CDH18: variants seen among roughly 807,000 people sequenced by gnomAD.
CDH18 encodes the protein cadherin 18.
Under a neutral mutation model 67.9 loss-of-function variants are expected in CDH18, and 31 were observed. That is an observed-to-expected ratio of 0.46 (90% CI 0.34 to 0.62). CDH18 has a LOEUF of 0.62. Among genes scored for constraint, CDH18 ranks in the 20% least tolerant of loss-of-function variants. The pLI, the probability that CDH18 is intolerant of heterozygous loss-of-function variation, is 0.01. For missense variants in CDH18, 890 were observed against 975.5 expected, an observed-to-expected ratio of 0.91 and a Z score of 1.17; for synonymous variants, 362 against 347.2, an observed-to-expected ratio of 1.04 and a Z score of -0.48.
At chr5:20,243,511 G>GAACA (rs1487245852) in intron 2 of CDH18, among the ~76,000 whole-genome samples, 1 of 151,902 alleles carries the variant, frequency 6.6e-6, no homozygotes, top group Non-Finnish European at 1.5e-5. Flanking sequence ...TTCACATGAT[G>GAACA]AACAGTATGA....
intron 2 of CDH18, among the ~76,000 whole-genome samples, chr5:19,915,656 A>G (rs1263107438): frequency 1.3e-5 from 2 of 152,154 alleles, no homozygotes; most frequent in African/African-American, 4.8e-5. Context: ...CATTTACAGT[A>G]TTATACTGAA....
intron 5 of CDH18, among the ~76,000 whole-genome samples, chr5:19,682,730 A>C (rs550489633): frequency 6.6e-6 from 1 of 152,204 alleles, no homozygotes; most frequent in African/African-American, 2.4e-5. Flanking sequence ...CTCTGTTAAA[A>C]TAAATGATGG....
chr5:19,772,362 A>T (rs1317611617), intron 3 of CDH18, among the ~76,000 whole-genome samples: 1 of 152,146 alleles, frequency 6.6e-6, no homozygotes, highest in African/African-American at 2.4e-5. Context: ...ATAAGAGAAA[A>T]GGGGAGGCAG....
chr5:19,636,060 C>G (rs1310173229), intron 5 of CDH18, among the ~76,000 whole-genome samples: 1 of 152,012 alleles, frequency 6.6e-6, no homozygotes, highest in East Asian at 1.9e-4. Flanking sequence ...TTGGCTCAAT[C>G]AATGATTTTC....
At chr5:20,276,666 C>A (rs1349951685) in intron 1 of CDH18, among the ~76,000 whole-genome samples, 2 of 152,168 alleles carry the variant, frequency 1.3e-5, no homozygotes, top group Non-Finnish European at 2.9e-5. Flanking sequence ...TGTCCTGCAG[C>A]TTAGGTATCA....
chr5:20,382,678 C>G (rs746502178), intron 1 of CDH18, among the ~76,000 whole-genome samples: 6 of 152,092 alleles, frequency 3.9e-5, no homozygotes, highest in Non-Finnish European at 5.9e-5. Flanking sequence ...CACCTAGTGA[C>G]AGAAGCAATA....
At chr5:20,305,053 G>A in intron 1 of CDH18, 7 of 1,603,946 alleles carry the variant, frequency 4.4e-6, no homozygotes, top group Non-Finnish European at 6.0e-6. Context: ...GTCCCCATTA[G>A]TTTTGGGATT....
chr5:19,624,251 C>T (rs969354827), intron 5 of CDH18, among the ~76,000 whole-genome samples: 4 of 151,960 alleles, frequency 2.6e-5, no homozygotes, highest in African/African-American at 7.2e-5. Flanking sequence ...AGGTGATCTG[C>T]CTGCCTCAGC....
intron 1 of CDH18, among the ~76,000 whole-genome samples, chr5:20,508,222 G>C (rs1754767352): frequency 1.3e-5 from 2 of 150,646 alleles, no homozygotes; most frequent in African/African-American, 4.9e-5. Context: ...TGTCACTTCA[G>C]AGTTCAAGGC....
At chr5:20,093,356 C>CT (rs35736724) in intron 2 of CDH18, among the ~76,000 whole-genome samples, 111,509 of 148,136 alleles carry the variant, frequency 0.75, 44,456 homozygotes, top group Non-Finnish European at 0.89. Context: ...CTCCTGTATT[C>CT]TTTTTTTTTT....
At chr5:20,249,923 T>C (rs1050457843) in intron 2 of CDH18, among the ~76,000 whole-genome samples, 5 of 137,716 alleles carry the variant, frequency 3.6e-5, no homozygotes, top group Admixed American at 7.5e-5. Flanking sequence ...GGCTCCCACA[T>C]TGGTGATTTT....
intron 2 of CDH18, among the ~76,000 whole-genome samples, chr5:19,935,078 A>G (rs987111305): frequency 2.6e-5 from 4 of 151,260 alleles, no homozygotes; most frequent in African/African-American, 9.7e-5. Context: ...TTGTTATTTC[A>G]GGGGATGTTC....
intron 1 of CDH18, among the ~76,000 whole-genome samples, chr5:20,471,370 C>G (rs1308172435): frequency 6.6e-6 from 1 of 152,098 alleles, no homozygotes; most frequent in Non-Finnish European, 1.5e-5. Flanking sequence ...TGTTTTCATC[C>G]ACACTATCCA....
intron 2 of CDH18, among the ~76,000 whole-genome samples, chr5:20,122,057 G>C (rs754640295): frequency 1.1e-4 from 17 of 152,138 alleles, no homozygotes; most frequent in African/African-American, 3.6e-4. Context: ...AGTATGTAGA[G>C]AAATAAATTG....
At chr5:19,793,539 G>A (rs916414354) in intron 3 of CDH18, among the ~76,000 whole-genome samples, 2 of 151,942 alleles carry the variant, frequency 1.3e-5, no homozygotes, top group Non-Finnish European at 2.9e-5. Context: ...AACATACCAC[G>A]GCTTACTCAC....
At chr5:19,589,825 C>T (rs746010051) in intron 7 of CDH18, among the ~76,000 whole-genome samples, 26 of 152,070 alleles carry the variant, frequency 1.7e-4, no homozygotes, top group Admixed American at 1.3e-4. Flanking sequence ...ACCTCAGGCA[C>T]TTGGTACATT....
intron 1 of CDH18, chr5:20,303,898 G>A (rs111671462): frequency 1.8e-5 from 11 of 623,076 alleles, no homozygotes; most frequent in African/African-American, 7.4e-5. Context: ...ACATTTAAAG[G>A]TTTTATTGGC....
At position 19,900,486 on chromosome 5, in the gene CDH18, A is replaced by T. The variant is rs148175140; in HGVS notation, c.-256-61244T>A. Among the ~76,000 whole-genome samples, 323 of 152,314 alleles carry T rather than the reference A, an allele frequency of 2.1e-3. 4 individuals carry two copies. Among genetic ancestry groups the T allele is most frequent in the African/African-American group, 6.8e-3 (282 of 41,596 alleles). On this transcript the variant is annotated intron_variant, in intron 2 of 12. Coordinates refer to ENST00000382275, the MANE Select transcript of CDH18 (RefSeq NM_004934.5). The stretch of plus-strand genomic sequence containing the variant: ...TCAAACCCTGATTCGATCATTGCAC[A>T]ATGTATACATGTATCAAACGATAAT...
At chr5:19,481,081 A>G (rs1421218182) in intron 12 of CDH18, among the ~76,000 whole-genome samples, 1 of 152,008 alleles carries the variant, frequency 6.6e-6, no homozygotes, top group African/African-American at 2.4e-5. Flanking sequence ...GCTCCTTGAT[A>G]CCCTCTTTTC....
Sources: gnomAD v4.1 joint callset for allele counts (sites outside exome capture counted in the v4.1 genomes callset) on GRCh38, gnomAD v4.1.1 for gene constraint, MANE v1.5 for transcripts, NCBI Gene and HGNC (gene_info 2026-07-23, HGNC 2026-07-21) for gene names.